The following HERC1 variants were observed in gnomAD, a reference collection of about 807,000 sequenced individuals.
HERC1 encodes probable E3 ubiquitin-protein ligase HERC1.
In HERC1, 160 loss-of-function variants were observed where a neutral mutation model predicts 554.3. The observed-to-expected ratio is 0.29, with a 90% CI of 0.25 to 0.33. The LOEUF (loss-of-function observed/expected upper bound fraction) is 0.33. Ranked by LOEUF, HERC1 falls within the 10% of genes least tolerant of loss-of-function variation. The pLI is 1.00. For synonymous variants in HERC1, 2,175 were observed against 2,131.7 expected (o/e 1.02, Z -0.56); for missense variants, 4,919 against 5,918.5 (o/e 0.83, Z 5.54).
intron 12 of HERC1, among the ~76,000 whole-genome samples, chr15:63,738,349 T>C (rs933561947): frequency 6.6e-6 from 1 of 152,180 alleles, no homozygotes; most frequent in African/African-American, 2.4e-5. Context: ...AATAGGATCC[T>C]GCAACAAAAC....
Position 63,696,301 on chromosome 15 carries a change from C to T in HERC1, c.4944G>A (p.Leu1648=). ...LEALHQILVL[L]SGMEEKGSIS... The stretch of plus-strand genomic sequence containing the variant: ...TGCTACCTTTTTCTTCCATCCCAGA[C>T]AATAGAACGAGGATCTGATGAAGTG... Residue 1648 remains leucine, a synonymous_variant, in exon 27 of 78, where the codon TTG becomes TTA. Transcript: ENST00000443617. 1.2e-6 allele frequency: 2 copies of T among 1,612,952 alleles called. No homozygotes were observed. Among genetic ancestry groups the T allele is most frequent in the Non-Finnish European group, 1.7e-6 (2 of 1,179,496 alleles).
At chr15:63,786,914 A>ATTT (rs780871966) in intron 1 of HERC1, among the ~76,000 whole-genome samples, 82 of 135,570 alleles carry the variant, frequency 6.0e-4, no homozygotes, top group Non-Finnish European at 9.7e-4. Context: ...AACTCAATAA[A>ATTT]TTATTATTTT....
At chr15:63,723,749 G>A (rs570829028) in intron 18 of HERC1, among the ~76,000 whole-genome samples, 13 of 152,100 alleles carry the variant, frequency 8.5e-5, no homozygotes, top group Non-Finnish European at 1.5e-4. Flanking sequence ...GAGAAACAAG[G>A]AACCATTGAA....
intron 34 of HERC1, among the ~76,000 whole-genome samples, chr15:63,685,559 C>T (rs2071709721): frequency 6.6e-6 from 1 of 152,324 alleles, no homozygotes; most frequent in Non-Finnish European, 1.5e-5. Flanking sequence ...AATGAAGTCA[C>T]ATGGCTTTTT....
chr15:63,832,542 C>T (rs1268968703), intron 1 of HERC1, among the ~76,000 whole-genome samples: 1 of 152,196 alleles, frequency 6.6e-6, no homozygotes, highest in Non-Finnish European at 1.5e-5. Context: ...TTCCCTTCTA[C>T]AAATACTGCC....
At chr15:63,645,371 A>G in intron 56 of HERC1, 112 bp downstream of exon 56, 1 of 769,328 alleles carries the variant, frequency 1.3e-6, no homozygotes, top group East Asian at 2.7e-5. Context: ...ACATTATAAG[A>G]ATAGCAACTG....
Position 63,656,175 on chromosome 15 carries a change from A to G in HERC1, c.9783T>C (p.Ser3261=). 1 of 1,612,820 alleles carries G rather than the reference A, an allele frequency of 6.2e-7. No homozygotes were observed. The highest frequency in any genetic ancestry group is 8.5e-7 in the Non-Finnish European group (1 of 1,179,352). ...GGHSKANKPI[S]CLAYLSTAVG... is the part of the protein sequence containing the mutation. ...CTGCTGTGCTCAAATAGGCCAGGCA[A>G]GAGATAGGCTTGTTAGCCTTGCTAT... Residue 3261 remains serine (S), a synonymous_variant, in exon 49 of 78, where the codon TCT becomes TCC. Transcript: ENST00000443617.
intron 45 of HERC1, 70 bp from the exon 46 acceptor site, chr15:63,661,095 A>C: frequency 9.1e-7 from 1 of 1,103,374 alleles, no homozygotes; most frequent in Non-Finnish European, 1.4e-6. Flanking sequence ...AAATTAAGTC[A>C]TTAGAACATT....
intron 1 of HERC1, among the ~76,000 whole-genome samples, chr15:63,812,469 T>G (rs1247616699): frequency 6.6e-6 from 1 of 152,240 alleles, no homozygotes; most frequent in Non-Finnish European, 1.5e-5. Context: ...AGAATTCACT[T>G]TCACACAACA....
In HERC1 at chr15:63,626,118, G is replaced by C. The variant is rs939196743; in HGVS notation, c.13142C>G (p.Thr4381Arg). ...SVPLQLGLPD[T>R]VPPQYGALRE... ...CAGCGCCCCATACTGGGGGGGCACT[G>C]TGTCAGGCAGGCCCAGCTGCAGAGG... is the stretch of plus-strand genomic sequence containing the variant. The change falls in exon 71 of 78, where the codon ACA becomes AGA. Residue 4381 changes from threonine to arginine, a missense_variant. Coordinates refer to ENST00000443617, the MANE Select transcript of HERC1 (RefSeq NM_003922.4). The C allele has an allele frequency of 6.2e-7, 1 of 1,613,686 alleles. No individual in the cohort carries two copies. Among genetic ancestry groups the C allele is most frequent in the Non-Finnish European group, 8.5e-7 (1 of 1,179,792 alleles).
At chr15:63,788,559 G>A (rs1245231443) in intron 1 of HERC1, among the ~76,000 whole-genome samples, 1 of 152,180 alleles carries the variant, frequency 6.6e-6, no homozygotes, top group Non-Finnish European at 1.5e-5. Flanking sequence ...AGCACAAAAA[G>A]TACAGCTGTA....
At chr15:63,770,551 T>C (rs2142850338) in intron 2 of HERC1, among the ~76,000 whole-genome samples, 1 of 152,360 alleles carries the variant, frequency 6.6e-6, no homozygotes, top group Middle Eastern at 3.4e-3. Context: ...TTTTTTATAA[T>C]TTGAAGATGT....
intron 2 of HERC1, among the ~76,000 whole-genome samples, chr15:63,767,559 G>A (rs969591833): frequency 1.3e-5 from 2 of 152,190 alleles, no homozygotes; most frequent in Admixed American, 6.5e-5. Flanking sequence ...TTAGCCGGGC[G>A]TGGTGGCGGG....
intron 1 of HERC1, among the ~76,000 whole-genome samples, chr15:63,827,592 A>C (rs2077986675): frequency 6.6e-6 from 1 of 152,186 alleles, no homozygotes. Context: ...AGTTGCTCAA[A>C]AAGTTAAACA....
intron 14 of HERC1, among the ~76,000 whole-genome samples, chr15:63,732,293 G>A (rs1021157785): frequency 1.6e-4 from 25 of 152,214 alleles, no homozygotes; most frequent in Admixed American, 1.4e-3. Flanking sequence ...AAGACACCGC[G>A]CCTGGCCTGA....
chr15:63,759,467 CTCATA>C (rs2075537343), intron 3 of HERC1, among the ~76,000 whole-genome samples: 1 of 152,196 alleles, frequency 6.6e-6, no homozygotes, highest in Non-Finnish European at 1.5e-5. Context: ...TGAATCCATA[CTCATA>C]ATAAGTATCA....
chr15:63,658,643 G>A lies in HERC1; in HGVS notation c.9500C>T (p.Pro3167Leu), dbSNP rs1298150636. 5.0e-6 allele frequency: 8 copies of A among 1,613,894 alleles called. No homozygotes were observed. The highest frequency in any genetic ancestry group is 1.3e-5 in the African/African-American group (1 of 75,060). ...LGEQAAALAN[P>L]HDRVVALRRV... ...CCTTAAAGCCACCACACGGTCATGA[G>A]GGTTTGCTAGGGCAGCTGCCTGCTC... The change falls in exon 48 of 78, where the codon CCT becomes CTT. Residue 3167 changes from proline to leucine, a missense_variant. Coordinates refer to ENST00000443617, the MANE Select transcript of HERC1 (RefSeq NM_003922.4).
rs1313104241 is a variant in HERC1, at chr15:63,775,953, G to A, written c.-26-304C>T. On this transcript the variant is annotated intron_variant, in intron 1 of 77. Coordinates refer to ENST00000443617, the MANE Select transcript of HERC1 (RefSeq NM_003922.4). The surrounding 1 kb of genome is among the most constrained non-coding windows in gnomAD (Gnocchi z 4.0). ...CTTGGGAGGCTGAGGCAGGAGAATC[G>A]CTTGAACCTGGGAGGCGGAGGTTGC... Among the ~76,000 whole-genome samples the A allele has an allele frequency of 1.3e-5, 2 of 151,028 alleles. No individual in the cohort carries two copies. The highest frequency in any genetic ancestry group is 2.9e-5 in the Non-Finnish European group (2 of 67,904).
chr15:63,619,578 C>T (rs1460151055), intron 74 of HERC1, among the ~76,000 whole-genome samples: 2 of 152,170 alleles, frequency 1.3e-5, no homozygotes, highest in Non-Finnish European at 2.9e-5. Flanking sequence ...ATGGTACCAG[C>T]TCCTCCTTGT....
Sources: gnomAD v4.1 joint callset for allele counts (sites outside exome capture counted in the v4.1 genomes callset) on GRCh38, gnomAD v4.1.1 for gene constraint, Gnocchi (gnomAD v3.1) non-coding constraint, MANE v1.5 for transcripts, NCBI Gene and HGNC (gene_info 2026-07-23, HGNC 2026-07-21) for gene names.